ROBO2: variants seen among roughly 807,000 people sequenced by gnomAD.
The protein encoded by ROBO2 is roundabout homolog 2.
Under a neutral mutation model 160.8 loss-of-function variants are expected in ROBO2, and 53 were observed. The observed-to-expected ratio is 0.33, with a 90% CI of 0.26 to 0.41. The LOEUF (loss-of-function observed/expected upper bound fraction) is 0.41. ROBO2 is among the 10% of genes least tolerant of loss of function. The pLI is 1.00. For synonymous variants in ROBO2, 664 were observed against 611.7 expected (o/e 1.09, Z -1.26); for missense variants, 1,577 against 1,722.4 (o/e 0.92, Z 1.49).
chr3:77,554,336 A>G (rs2093033306), intron 8 of ROBO2, among the ~76,000 whole-genome samples: 1 of 151,992 alleles, frequency 6.6e-6, no homozygotes. Flanking sequence ...AGAGATGTAC[A>G]AAGAGATTAA....
At position 76,281,825 on chromosome 3, in the gene ROBO2, C is replaced by T. The variant is rs531045008; in HGVS notation, c.109+344223C>T. Among the ~76,000 whole-genome samples the T allele has an allele frequency of 2.4e-4, 36 of 152,024 alleles. No homozygotes were observed. The South Asian group carries it at 7.2e-3, about 31-fold the overall frequency. ...ATAAAGAGGGTATGAAAAGATTTTT[C>T]CTGGTGCCTATGAGATTGTTAGCAC... On this transcript the variant is annotated intron_variant, in intron 2 of 26. Coordinates refer to the ROBO2 transcript ENST00000487694.
intron 6 of ROBO2, among the ~76,000 whole-genome samples, chr3:77,531,793 C>T (rs2091750663): frequency 6.6e-6 from 1 of 152,122 alleles, no homozygotes; most frequent in Non-Finnish European, 1.5e-5. Context: ...CTAAGTGTAC[C>T]TTGAAAGGAG....
At chr3:77,442,419 T>A (rs1484400958) in intron 2 of ROBO2, among the ~76,000 whole-genome samples, 6 of 152,186 alleles carry the variant, frequency 3.9e-5, no homozygotes, top group African/African-American at 1.4e-4. Context: ...TCCTGTTGTG[T>A]AGGAAATAGG....
At chr3:76,289,105 C>A (rs1304249218) in intron 2 of ROBO2, among the ~76,000 whole-genome samples, 6 of 152,172 alleles carry the variant, frequency 3.9e-5, no homozygotes, top group Non-Finnish European at 7.3e-5. Context: ...AATTTACATT[C>A]CCACCAGTAG....
intron 2 of ROBO2, among the ~76,000 whole-genome samples, chr3:76,522,375 GTGTC>G (rs146273104): frequency 0.023 from 3,560 of 152,188 alleles, 108 homozygotes; most frequent in African/African-American, 0.074. Flanking sequence ...GTGTGCCCAT[GTGTC>G]TGTCTGTCAC....
intron 2 of ROBO2, among the ~76,000 whole-genome samples, chr3:75,945,004 C>T (rs1257994410): frequency 6.6e-6 from 1 of 152,092 alleles, no homozygotes; most frequent in Non-Finnish European, 1.5e-5. Context: ...ATTAATATTT[C>T]TCAAACTGCA....
chr3:77,167,992 G>A (rs571420058), intron 2 of ROBO2, among the ~76,000 whole-genome samples: 35 of 152,278 alleles, frequency 2.3e-4, no homozygotes, highest in Non-Finnish European at 4.4e-4. Context: ...CATGAAATTT[G>A]CAATTTAAAT....
intron 2 of ROBO2, among the ~76,000 whole-genome samples, chr3:76,811,116 G>T (rs2065127300): frequency 6.6e-6 from 1 of 152,048 alleles, no homozygotes. Flanking sequence ...TATTATTGAG[G>T]TCTATAATAT....
chr3:76,506,792 G>A (rs78609372), intron 2 of ROBO2, among the ~76,000 whole-genome samples: 14,209 of 152,106 alleles, frequency 0.093, 921 homozygotes, highest in East Asian at 0.22. Flanking sequence ...GTTCAAGGAG[G>A]AGTGATCCCT....
intron 1 of ROBO2, among the ~76,000 whole-genome samples, chr3:77,089,400 T>C (rs2069817117): frequency 6.6e-6 from 1 of 152,192 alleles, no homozygotes; most frequent in Non-Finnish European, 1.5e-5. Context: ...TGCAGGGTGC[T>C]ATTTTGTACA....
At chr3:77,590,577 A>G (rs1375264764) in intron 17 of ROBO2, among the ~76,000 whole-genome samples, 5 of 152,140 alleles carry the variant, frequency 3.3e-5, no homozygotes, top group Admixed American at 3.3e-4. Flanking sequence ...TAATTCATGG[A>G]CTATTTTGTG....
At chr3:77,214,704 G>C (rs2084683462) in intron 2 of ROBO2, among the ~76,000 whole-genome samples, 1 of 152,144 alleles carries the variant, frequency 6.6e-6, no homozygotes, top group Admixed American at 6.5e-5. Context: ...GCATGTTTTT[G>C]CAGTGGCTGG....
chr3:75,924,405 G>C (rs1947195903), intron 1 of ROBO2, among the ~76,000 whole-genome samples: 1 of 151,830 alleles, frequency 6.6e-6, no homozygotes, highest in Admixed American at 6.6e-5. Context: ...AGAGCTCAGG[G>C]GTACATGTGG....
intron 2 of ROBO2, among the ~76,000 whole-genome samples, chr3:76,389,321 CAT>C (rs1356455834): frequency 6.6e-6 from 1 of 152,160 alleles, no homozygotes; most frequent in Non-Finnish European, 1.5e-5. Flanking sequence ...CACAATAACA[CAT>C]AGTTTAAAGC....
intron 2 of ROBO2, among the ~76,000 whole-genome samples, chr3:76,034,816 G>A (rs1576574579): frequency 6.6e-6 from 1 of 151,984 alleles, no homozygotes; most frequent in Admixed American, 6.6e-5. Context: ...CATTCATCAT[G>A]CCCCACCTCA....
chr3:77,151,935 T>A (rs2077577901), intron 2 of ROBO2, among the ~76,000 whole-genome samples: 1 of 152,172 alleles, frequency 6.6e-6, no homozygotes, highest in Non-Finnish European at 1.5e-5. Flanking sequence ...TTTTTTTCAG[T>A]CCAATGCCTT....
At chr3:76,784,039 T>C (rs898924201) in intron 2 of ROBO2, among the ~76,000 whole-genome samples, 2 of 151,118 alleles carry the variant, frequency 1.3e-5, no homozygotes, top group African/African-American at 4.8e-5. Context: ...GTTGGAACAC[T>C]GTATTCTTCA....
intron 2 of ROBO2, among the ~76,000 whole-genome samples, chr3:77,453,498 G>C (rs1384854721): frequency 6.6e-6 from 1 of 151,838 alleles, no homozygotes; most frequent in Non-Finnish European, 1.5e-5. Flanking sequence ...GGATATAAGG[G>C]TTAAAAGGAA....
chr3:76,657,143 T>A (rs2091569923), intron 2 of ROBO2, among the ~76,000 whole-genome samples: 1 of 152,122 alleles, frequency 6.6e-6, no homozygotes, highest in African/African-American at 2.4e-5. Flanking sequence ...AAAAATGCAT[T>A]GGCTGGGCGC....
Sources: allele counts gnomAD v4.1 joint callset (sites outside exome capture counted in the v4.1 genomes callset), GRCh38; gene constraint gnomAD v4.1.1; transcripts MANE v1.5; gene names NCBI Gene and HGNC (gene_info 2026-07-23, HGNC 2026-07-21).